The following ASIP variants were observed in gnomAD, a reference collection of about 807,000 sequenced individuals.
ASIP encodes agouti signaling protein.
ASIP carries 11 observed loss-of-function variants against 10.3 expected under a neutral mutation model. That is an observed-to-expected ratio of 1.07 (90% CI 0.68 to 1.78). ASIP has a LOEUF of 1.78. Among genes scored for constraint, ASIP ranks in the 40% most tolerant of loss-of-function variants. The pLI, the probability that ASIP is intolerant of heterozygous loss-of-function variation, is 0.00. For missense variants in ASIP, 180 were observed against 169.2 expected, an observed-to-expected ratio of 1.06 and a Z score of -0.35; for synonymous variants, 70 against 70.8, an observed-to-expected ratio of 0.99 and a Z score of 0.06.
chr20:34,239,708 T>C (rs1377837174), upstream of ASIP, among the ~76,000 whole-genome samples: 1 of 152,204 alleles, frequency 6.6e-6, no homozygotes, highest in Non-Finnish European at 1.5e-5. Flanking sequence ...AATCCAGATC[T>C]CCTGACTCCC....
chr20:34,252,712 G>A (rs2035497752), intron 1 of ASIP, among the ~76,000 whole-genome samples: 1 of 152,118 alleles, frequency 6.6e-6, no homozygotes, highest in African/African-American at 2.4e-5. Context: ...TCGGGTTGGG[G>A]GATGGTAAGG....
upstream of ASIP, among the ~76,000 whole-genome samples, chr20:34,189,994 C>T (rs73261690): frequency 0.015 from 2,270 of 152,286 alleles, 60 homozygotes; most frequent in African/African-American, 0.052. Context: ...GATAAGCTCC[C>T]GCTGCAGAGC....
At chr20:34,225,174 T>G (rs1387445742) in intron 1 of ASIP, among the ~76,000 whole-genome samples, 3 of 149,716 alleles carry the variant, frequency 2.0e-5, no homozygotes, top group African/African-American at 7.4e-5. Flanking sequence ...CCTGAGTAGC[T>G]GGGATTACAG....
intron 1 of ASIP, among the ~76,000 whole-genome samples, chr20:34,207,129 A>G (rs553050094): frequency 6.6e-6 from 1 of 152,324 alleles, no homozygotes; most frequent in East Asian, 1.9e-4. Context: ...AACAGAATAC[A>G]AGCATCCCCC....
chr20:34,217,863 C>T (rs1204902591), intron 1 of ASIP, among the ~76,000 whole-genome samples: 1 of 152,190 alleles, frequency 6.6e-6, no homozygotes, highest in Admixed American at 6.5e-5. Context: ...GCGCCCAGCC[C>T]GCTGAAAGCT....
At chr20:34,214,607 C>G in intron 1 of ASIP, 2 of 1,277,934 alleles carry the variant, frequency 1.6e-6, no homozygotes, top group African/African-American at 1.4e-5. Context: ...AGTAGTAACT[C>G]TCGTGAAACT....
chr20:34,237,129 T>C (rs1175722794), upstream of ASIP, among the ~76,000 whole-genome samples: 1 of 152,222 alleles, frequency 6.6e-6, no homozygotes, highest in African/African-American at 2.4e-5. Context: ...TTTTGATTAC[T>C]GTGGCTTTGT....
At chr20:34,199,964 C>T (rs1601568507) in intron 1 of ASIP, among the ~76,000 whole-genome samples, 1 of 152,182 alleles carries the variant, frequency 6.6e-6, no homozygotes, top group Non-Finnish European at 1.5e-5. Context: ...CCTCACTTGC[C>T]TCACCCCAAT....
At chr20:34,191,051 A>G (rs186297341), upstream of ASIP, among the ~76,000 whole-genome samples, 714 of 152,324 alleles carry the variant, frequency 4.7e-3, 7 homozygotes, top group African/African-American at 0.016. Context: ...CCTGAGAGGC[A>G]CAGTTCAACA....
intron 1 of ASIP, among the ~76,000 whole-genome samples, chr20:34,235,543 A>T (rs1340475793): frequency 6.6e-6 from 1 of 152,126 alleles, no homozygotes; most frequent in Non-Finnish European, 1.5e-5. Flanking sequence ...AATGACCTAG[A>T]TTGAAGACCA....
At chr20:34,251,736 G>A (rs1414402785) in intron 1 of ASIP, among the ~76,000 whole-genome samples, 3 of 152,156 alleles carry the variant, frequency 2.0e-5, no homozygotes, top group African/African-American at 7.2e-5. Flanking sequence ...CCTTTTGGAG[G>A]TGACTAGGTC....
chr20:34,254,609 GC>G (rs2035538298), intron 1 of ASIP, among the ~76,000 whole-genome samples: 1 of 152,090 alleles, frequency 6.6e-6, no homozygotes, highest in African/African-American at 2.4e-5. Context: ...TATTCATCCT[GC>G]CTATTATGAA....
At chr20:34,223,465 C>T (rs1474294317) in intron 1 of ASIP, among the ~76,000 whole-genome samples, 4 of 149,602 alleles carry the variant, frequency 2.7e-5, no homozygotes, top group Non-Finnish European at 4.5e-5. Context: ...GGAGCGTCTC[C>T]GCCCGGCAGC....
At chr20:34,258,688 T>TATATATATATATATATATATAC (rs1277541256) in intron 1 of ASIP, among the ~76,000 whole-genome samples, 5 of 66,558 alleles carry the variant, frequency 7.5e-5, no homozygotes, top group Admixed American at 6.2e-4. Flanking sequence ...TATATATATA[T>TATATATATATATATATATATAC]ATACATACTA....
upstream of ASIP, among the ~76,000 whole-genome samples, chr20:34,239,293 C>T (rs943860152): frequency 6.6e-6 from 1 of 151,768 alleles, no homozygotes; most frequent in Non-Finnish European, 1.5e-5. Context: ...CTTGGCTCAC[C>T]GCAACCTCTG....
At chr20:34,245,417 C>G (rs1473894931) in intron 1 of ASIP, among the ~76,000 whole-genome samples, 2 of 150,854 alleles carry the variant, frequency 1.3e-5, no homozygotes, top group Non-Finnish European at 2.9e-5. Flanking sequence ...TAGACAGAGT[C>G]TCACTCTGTC....
intron 1 of ASIP, among the ~76,000 whole-genome samples, chr20:34,217,843 G>A (rs912458959): frequency 6.6e-6 from 1 of 152,188 alleles, no homozygotes; most frequent in Non-Finnish European, 1.5e-5. Flanking sequence ...ATTAACAGGC[G>A]TGAGCCACCG....
chr20:34,222,913 G>T (rs2035059379), intron 1 of ASIP, among the ~76,000 whole-genome samples: 1 of 152,312 alleles, frequency 6.6e-6, no homozygotes, highest in South Asian at 2.1e-4. Flanking sequence ...TGCAGACGGA[G>T]TCTCGTTCAC....
upstream of ASIP, among the ~76,000 whole-genome samples, chr20:34,190,852 C>G (rs915353043): frequency 6.6e-6 from 1 of 152,244 alleles, no homozygotes; most frequent in Non-Finnish European, 1.5e-5. Flanking sequence ...CCCAGTCCTG[C>G]ATGCAACTTC....
Sources: allele counts gnomAD v4.1 joint callset (sites outside exome capture counted in the v4.1 genomes callset), GRCh38; gene constraint gnomAD v4.1.1; transcripts MANE v1.5; gene names NCBI Gene and HGNC (gene_info 2026-07-23, HGNC 2026-07-21).